ADAMTS3: variants seen among roughly 807,000 people sequenced by gnomAD.
ADAMTS3 encodes the protein A disintegrin and metalloproteinase with thrombospondin motifs 3.
A neutral mutation model predicts 129.0 loss-of-function variants in ADAMTS3; 73 were observed. The ratio of observed to expected loss-of-function variants is 0.57; its 90% confidence interval spans 0.47 to 0.69. The LOEUF (loss-of-function observed/expected upper bound fraction) is 0.69. Ranked by LOEUF, ADAMTS3 falls within the 30% of genes least tolerant of loss-of-function variation. The probability of loss-of-function intolerance (pLI) is 0.00; values close to 1 mark genes in which losing one functional copy is unlikely to be tolerated. For missense variants in ADAMTS3, 1,457 were observed against 1,514.5 expected (o/e 0.96, Z 0.63); for synonymous variants, 477 against 510.8 (o/e 0.93, Z 0.89).
chr4:72,291,483 G>A (rs1400721681), intron 19 of ADAMTS3, among the ~76,000 whole-genome samples: 2 of 142,518 alleles, frequency 1.4e-5, no homozygotes, highest in Non-Finnish European at 3.0e-5. Context: ...TCCCATCTAT[G>A]AGTGAGAACA....
chr4:72,518,729 G>A (rs1720569410), intron 3 of ADAMTS3, among the ~76,000 whole-genome samples: 1 of 151,466 alleles, frequency 6.6e-6, no homozygotes, highest in Admixed American at 6.6e-5. Flanking sequence ...GCCTATGTGT[G>A]TCTCTGCACA....
chr4:72,435,490 A>G (rs1722799321), intron 3 of ADAMTS3, among the ~76,000 whole-genome samples: 1 of 151,928 alleles, frequency 6.6e-6, no homozygotes, highest in Admixed American at 6.6e-5. Context: ...TTTTGAAAAA[A>G]TAATAAATTT....
At chr4:72,305,445 A>AT (rs899038558) in intron 16 of ADAMTS3, among the ~76,000 whole-genome samples, 1 of 152,084 alleles carries the variant, frequency 6.6e-6, no homozygotes, top group African/African-American at 2.4e-5. Context: ...ATTTGTAAAC[A>AT]TAAGTATGAT....
chr4:72,530,652 T>TA, intron 3 of ADAMTS3, among the ~76,000 whole-genome samples: 1 of 73,386 alleles, frequency 1.4e-5, no homozygotes, highest in South Asian at 3.9e-4. Context: ...ATATATAATA[T>TA]TATATATATT....
At chr4:72,404,233 C>G (rs1383817426) in intron 4 of ADAMTS3, among the ~76,000 whole-genome samples, 1 of 151,958 alleles carries the variant, frequency 6.6e-6, no homozygotes, top group East Asian at 1.9e-4. Context: ...CAACAAAGAA[C>G]AAAGCTGGAA....
chr4:72,351,843 G>A (rs1275525310), intron 4 of ADAMTS3, among the ~76,000 whole-genome samples: 1 of 151,872 alleles, frequency 6.6e-6, no homozygotes, highest in Admixed American at 6.6e-5. Context: ...ACAAGCTAGG[G>A]TTTTAAAAAT....
chr4:72,550,009 A>G (rs1484955363), intron 2 of ADAMTS3, among the ~76,000 whole-genome samples: 1 of 2,360 alleles, frequency 4.2e-4, no homozygotes, highest in Non-Finnish European at 9.6e-4. Flanking sequence ...AGGAAGAAGA[A>G]GAAGAAGAAG....
At chr4:72,457,522 C>G (rs1718657030) in intron 3 of ADAMTS3, among the ~76,000 whole-genome samples, 1 of 151,478 alleles carries the variant, frequency 6.6e-6, no homozygotes, top group African/African-American at 2.4e-5. Context: ...TGCGGTTGTT[C>G]CTAGATATGT....
chr4:72,396,246 G>T (rs1721721273), intron 4 of ADAMTS3, among the ~76,000 whole-genome samples: 1 of 152,096 alleles, frequency 6.6e-6, no homozygotes, highest in East Asian at 1.9e-4. Flanking sequence ...GAGAGGTAAG[G>T]TAAGGAAAAA....
intron 3 of ADAMTS3, among the ~76,000 whole-genome samples, chr4:72,527,229 C>A (rs532797015): frequency 6.6e-6 from 1 of 152,234 alleles, no homozygotes; most frequent in Non-Finnish European, 1.5e-5. Flanking sequence ...CAAGGGAACT[C>A]CTCTTCATCC....
In ADAMTS3 at chr4:72,482,272, C is replaced by T. The variant is rs556880440; in HGVS notation, c.504+66206G>A. Among the ~76,000 whole-genome samples, 24 of 151,722 alleles carry T rather than the reference C, an allele frequency of 1.6e-4. No homozygotes were observed. The South Asian group carries it at 2.1e-3, about 13-fold the overall frequency. The stretch of plus-strand genomic sequence containing the variant: ...AAACAACCTGATGTCTTTCAATGGA[C>T]GAATTATTAAATAAAGTATGATACA... On this transcript the variant is annotated intron_variant, in intron 3 of 21. Coordinates refer to ENST00000286657, the MANE Select transcript of ADAMTS3 (RefSeq NM_014243.3).
chr4:72,487,138 AT>A (rs2110011550), intron 3 of ADAMTS3, among the ~76,000 whole-genome samples: 1 of 152,244 alleles, frequency 6.6e-6, no homozygotes, highest in South Asian at 2.1e-4. Flanking sequence ...GAAGATTTAC[AT>A]TCTCTATAAA....
intron 5 of ADAMTS3, chr4:72,330,459 T>C (rs1478727382): frequency 6.6e-6 from 1 of 152,188 alleles, no homozygotes; most frequent in Non-Finnish European, 1.5e-5. Context: ...CTAAAACCTG[T>C]TTTTCTTTTC....
At chr4:72,455,008 T>C (rs1452856279) in intron 3 of ADAMTS3, among the ~76,000 whole-genome samples, 1 of 151,724 alleles carries the variant, frequency 6.6e-6, no homozygotes, top group Middle Eastern at 3.2e-3. Flanking sequence ...TTCATCAGAA[T>C]TCCTGTTTGT....
At chr4:72,411,709 A>T (rs1722188848) in intron 4 of ADAMTS3, among the ~76,000 whole-genome samples, 1 of 152,086 alleles carries the variant, frequency 6.6e-6, no homozygotes. Context: ...TAATCTACTC[A>T]AATTGGACCA....
intron 4 of ADAMTS3, among the ~76,000 whole-genome samples, chr4:72,349,172 G>A (rs985279968): frequency 3.3e-5 from 5 of 152,008 alleles, no homozygotes; most frequent in Non-Finnish European, 5.9e-5. Context: ...ACTTATCTGA[G>A]CTTCAGTTTC....
chr4:72,314,828 G>C (rs192429895), intron 11 of ADAMTS3, among the ~76,000 whole-genome samples: 43 of 152,238 alleles, frequency 2.8e-4, no homozygotes, highest in African/African-American at 9.9e-4. Flanking sequence ...CCTGTCACAA[G>C]TACAGTTTAT....
intron 3 of ADAMTS3, among the ~76,000 whole-genome samples, chr4:72,472,686 G>C (rs1335088507): frequency 6.6e-6 from 1 of 152,028 alleles, no homozygotes; most frequent in Non-Finnish European, 1.5e-5. Context: ...ATATATAACA[G>C]AAAAATCAGA....
chr4:72,357,443 G>A (rs1475471112), intron 4 of ADAMTS3, among the ~76,000 whole-genome samples: 2 of 151,704 alleles, frequency 1.3e-5, no homozygotes, highest in African/African-American at 4.8e-5. Flanking sequence ...GAAATAAAAA[G>A]AACAAATTAC....
Sources: gnomAD v4.1 joint callset for allele counts (sites outside exome capture counted in the v4.1 genomes callset) on GRCh38, gnomAD v4.1.1 for gene constraint, MANE v1.5 for transcripts, NCBI Gene and HGNC (gene_info 2026-07-23, HGNC 2026-07-21) for gene names.